Variants in CSTPP1 observed in about 807,000 individuals in gnomAD.
CSTPP1 encodes the protein centriolar satellite-associated tubulin polyglutamylase complex regulator 1, also known as UPF0705 protein C11orf49.
At chr11:47,155,177 A>G in the CSTPP1 span, 1 of 1,609,092 alleles carries the variant, frequency 6.2e-7, no homozygotes. Context: ...CCCCTTCAGG[A>G]TTGTGCTCAT....
At chr11:47,119,327 G>A in the CSTPP1 span, among the ~76,000 whole-genome samples, 1 of 152,190 alleles carries the variant, frequency 6.6e-6, no homozygotes, top group South Asian at 2.1e-4. Flanking sequence ...ACAGTATTTG[G>A]GCGGAGAGTG....
chr11:47,086,157 G>T, the CSTPP1 span, among the ~76,000 whole-genome samples: 4 of 149,880 alleles, frequency 2.7e-5, no homozygotes, highest in Non-Finnish European at 5.9e-5. Context: ...GGGAGGTGGA[G>T]TCGGGCGGAT....
chr11:47,039,143 A>G, the CSTPP1 span, among the ~76,000 whole-genome samples: 1 of 127,328 alleles, frequency 7.9e-6, no homozygotes, highest in South Asian at 2.5e-4. Flanking sequence ...TTGGGAGGCC[A>G]AGGCAGGCTG....
the CSTPP1 span, among the ~76,000 whole-genome samples, chr11:47,100,999 G>A: frequency 6.8e-6 from 1 of 147,640 alleles, no homozygotes; most frequent in African/African-American, 2.6e-5. Flanking sequence ...TTATTCTGAG[G>A]GAATTTTTTT....
chr11:47,049,379 G>A, the CSTPP1 span, among the ~76,000 whole-genome samples: 10 of 152,026 alleles, frequency 6.6e-5, no homozygotes, highest in African/African-American at 1.9e-4. Flanking sequence ...GCTCATGCCA[G>A]TAATCCCAAC....
the CSTPP1 span, among the ~76,000 whole-genome samples, chr11:47,037,529 T>G: frequency 2.5e-5 from 3 of 117,742 alleles, 1 homozygote; most frequent in Non-Finnish European, 6.1e-5. Flanking sequence ...CAGAGGACCC[T>G]GCGGCCTTCT....
the CSTPP1 span, among the ~76,000 whole-genome samples, chr11:47,060,949 A>G: frequency 3.3e-5 from 5 of 152,240 alleles, no homozygotes; most frequent in Admixed American, 3.3e-4. Flanking sequence ...AGAAATGACC[A>G]TGAAAATGAA....
the CSTPP1 span, among the ~76,000 whole-genome samples, chr11:47,065,800 G>A: frequency 6.6e-6 from 1 of 151,858 alleles, no homozygotes. Flanking sequence ...CTAGAGTGTA[G>A]TGGCGTGATC....
chr11:46,955,898 A>G, the CSTPP1 span, among the ~76,000 whole-genome samples: 1 of 151,324 alleles, frequency 6.6e-6, no homozygotes, highest in Non-Finnish European at 1.5e-5. Flanking sequence ...CTGAGGCAGG[A>G]GAATCGCCCG....
At chr11:46,979,640 C>T in the CSTPP1 span, among the ~76,000 whole-genome samples, 7 of 152,102 alleles carry the variant, frequency 4.6e-5, no homozygotes, top group Middle Eastern at 6.8e-3. Context: ...AAAAAGGACG[C>T]GGTGGCTTAT....
the CSTPP1 span, among the ~76,000 whole-genome samples, chr11:46,991,850 C>T: frequency 6.6e-6 from 1 of 152,132 alleles, no homozygotes; most frequent in African/African-American, 2.4e-5. Context: ...AAGAGATTCT[C>T]CCGCCTCAGC....
At chr11:47,091,489 T>C in the CSTPP1 span, among the ~76,000 whole-genome samples, 1 of 152,240 alleles carries the variant, frequency 6.6e-6, no homozygotes, top group South Asian at 2.1e-4. Context: ...ACGTGTTTTA[T>C]GGAAATGAGG....
the CSTPP1 span, among the ~76,000 whole-genome samples, chr11:46,941,667 G>A: frequency 1.3e-4 from 20 of 152,196 alleles, no homozygotes; most frequent in African/African-American, 3.9e-4. Context: ...TCTAATGACC[G>A]TTTAAAACCA....
chr11:46,937,632 C>T, the CSTPP1 span, among the ~76,000 whole-genome samples: 1 of 152,140 alleles, frequency 6.6e-6, no homozygotes, highest in Non-Finnish European at 1.5e-5. Context: ...TGCAGTGGCG[C>T]GATCTTGGCT....
chr11:47,141,932 CAAAAAAA>C, the CSTPP1 span, among the ~76,000 whole-genome samples: 2 of 37,886 alleles, frequency 5.3e-5, no homozygotes, highest in East Asian at 1.4e-3. Context: ...GACTCTGTCT[CAAAAAAA>C]AAAAAAAAAA....
chr11:47,131,329 T>C, the CSTPP1 span, among the ~76,000 whole-genome samples: 1 of 152,132 alleles, frequency 6.6e-6, no homozygotes, highest in African/African-American at 2.4e-5. Context: ...TGGACACGCA[T>C]GGTGGTCTGC....
chr11:47,099,103 C>T, the CSTPP1 span, among the ~76,000 whole-genome samples: 1 of 152,058 alleles, frequency 6.6e-6, no homozygotes, highest in African/African-American at 2.4e-5. Context: ...AAACTTAGAT[C>T]TAACTGTTTA....
At chr11:47,089,988 C>A in the CSTPP1 span, among the ~76,000 whole-genome samples, 3 of 152,068 alleles carry the variant, frequency 2.0e-5, no homozygotes. Context: ...TCTTTTTGTT[C>A]TTTTTTTGTT....
chr11:47,060,615 TAAG>T, the CSTPP1 span, among the ~76,000 whole-genome samples: 3 of 152,048 alleles, frequency 2.0e-5, no homozygotes, highest in Non-Finnish European at 4.4e-5. Context: ...CTAAAAAGCA[TAAG>T]AATGATACAA....
Sources: allele counts gnomAD v4.1 joint callset (sites outside exome capture counted in the v4.1 genomes callset), GRCh38; gene constraint gnomAD v4.1.1; transcripts MANE v1.5; gene names NCBI Gene and HGNC (gene_info 2026-07-23, HGNC 2026-07-21).